Variants in ADGRV1 observed in about 807,000 individuals in gnomAD.
ADGRV1 encodes adhesion G protein-coupled receptor V1.
Under a neutral mutation model 596.2 loss-of-function variants are expected in ADGRV1, and 359 were observed. That is an observed-to-expected ratio of 0.60 (90% CI 0.55 to 0.66). The LOEUF (loss-of-function observed/expected upper bound fraction) is 0.66. Among genes scored for constraint, ADGRV1 ranks in the 30% least tolerant of loss-of-function variants. The probability of loss-of-function intolerance (pLI) is 0.00; values close to 1 mark genes in which losing one functional copy is unlikely to be tolerated. For synonymous variants in ADGRV1, 2,681 were observed against 2,679.2 expected (o/e 1.00, Z -0.02); for missense variants, 7,274 against 7,575.6 (o/e 0.96, Z 1.48).
chr5:91,080,588 CA>C (rs10696264), intron 86 of ADGRV1, among the ~76,000 whole-genome samples: 1,750 of 84,448 alleles, frequency 0.021, 19 homozygotes, highest in African/African-American at 0.073. Context: ...GCACACCCTG[CA>C]AAAAAAAAAA....
chr5:91,163,836 G>A lies in ADGRV1; in HGVS notation c.18857G>A (p.Gly6286Asp). ...TCTGGTCAAGGCAGCCAGGAGGGGG[G>A]CACCTTGACTGACTCCCAGATCGTG... ...NESGQGSQEG[G>D]TLTDSQIVEL... The change falls in exon 90 of 90, where the codon GGC becomes GAC. Residue 6286 changes from glycine to aspartate, a missense_variant. Gly to Asp is a moderately conservative substitution (Grantham distance 94). Around this residue, in one of 5 missense-constraint regions of ADGRV1, gnomAD observed 1,874 missense variants for 1,970.2 expected, o/e 0.95. Transcript: ENST00000405460. 6.2e-7 allele frequency: 1 copy of A among 1,606,680 alleles called. No individual in the cohort carries two copies. The highest frequency in any genetic ancestry group is 8.5e-7 in the Non-Finnish European group (1 of 1,174,994).
At chr5:90,564,738 T>G (rs1332984820) in intron 1 of ADGRV1, among the ~76,000 whole-genome samples, 3 of 80,412 alleles carry the variant, frequency 3.7e-5, no homozygotes, top group Non-Finnish European at 7.3e-5. Context: ...GCCATTCTCC[T>G]GCCTCAGCCT....
intron 76 of ADGRV1, among the ~76,000 whole-genome samples, chr5:90,825,003 C>T (rs974342194): frequency 3.9e-5 from 6 of 151,964 alleles, no homozygotes; most frequent in African/African-American, 9.7e-5. Flanking sequence ...GTGCTGTGAT[C>T]TCGGCTCACT....
chr5:90,815,598 G>T, intron 74 of ADGRV1, 21 bp from the exon 75 acceptor site: 1 of 1,264,450 alleles, frequency 7.9e-7, no homozygotes, highest in Non-Finnish European at 1.1e-6. Flanking sequence ...ATATATTATA[G>T]CCCTCCATTC....
At position 90,840,959 on chromosome 5, in the gene ADGRV1, A is replaced by G. The variant is rs1357695635; in HGVS notation, c.16993A>G (p.Ser5665Gly). The G allele has an allele frequency of 1.4e-6, 2 of 1,436,828 alleles. No individual in the cohort carries two copies. The highest frequency in any genetic ancestry group is 2.3e-5 in the East Asian group (1 of 42,566). The allele number at this position is 1,436,828 out of a possible 1,614,324, so 89.0% of individuals were successfully genotyped here. ...VATENTDEQL[S>G]AMMHLIEKIT... ...CACAGAAAACACAGATGAACAACTC[A>G]GTGCCATGATGCATTTAATAGAAAA... Residue 5665 changes from serine to glycine, a missense_variant, in exon 78 of 90, where the codon AGT becomes GGT. Physicochemically the swap from Ser to Gly is moderately conservative, Grantham distance 56. Transcript: ENST00000405460.
chr5:90,731,800 A>G (rs1057243016), intron 50 of ADGRV1, among the ~76,000 whole-genome samples: 4 of 152,194 alleles, frequency 2.6e-5, no homozygotes, highest in Admixed American at 6.5e-5. Flanking sequence ...ATTGTGTAAG[A>G]GATTAAAACT....
At position 90,605,152 on chromosome 5, in the gene ADGRV1, A is replaced by T. The variant is rs1162770140; in HGVS notation, c.23-9683A>T. On this transcript the variant is annotated intron_variant, in intron 1 of 89. Transcript: ENST00000405460. ...GAAGTTCAGTTACATGAGTTAAAAG[A>T]CTTTATGTAACCCCAACACTCTGGG... Among the ~76,000 whole-genome samples, 3 of 152,146 alleles carry T rather than the reference A, an allele frequency of 2.0e-5. No homozygotes were observed. The East Asian group carries it at 5.8e-4, about 29-fold the overall frequency.
At chr5:90,632,167 C>G (rs1474138592) in intron 9 of ADGRV1, among the ~76,000 whole-genome samples, 1 of 152,008 alleles carries the variant, frequency 6.6e-6, no homozygotes, top group Non-Finnish European at 1.5e-5. Flanking sequence ...TCTTACTGTT[C>G]TCCCTTCTGT....
rs189768165 is a variant in ADGRV1 at position 90,727,363 on chromosome 5, T to C, written c.10162-1306T>C. Among the ~76,000 whole-genome samples the C allele has an allele frequency of 3.4e-4, 52 of 152,284 alleles. No individual in the cohort carries two copies. The East Asian group carries it at 9.5e-3, about 28-fold the overall frequency. ...GTTTATCATTAAGTATTTTTGATTA[T>C]ATGTGTCAATAAGTGAAGACATTTT... On this transcript the variant is annotated intron_variant, in intron 48 of 89. Transcript: ENST00000405460.
chr5:90,696,066 C>CTG (rs1165417736), intron 33 of ADGRV1, among the ~76,000 whole-genome samples: 1 of 152,104 alleles, frequency 6.6e-6, no homozygotes, highest in Non-Finnish European at 1.5e-5. Flanking sequence ...CTTGACACTG[C>CTG]TGTATTGATG....
At chr5:90,708,546 T>G (rs955923499) in intron 38 of ADGRV1, among the ~76,000 whole-genome samples, 2 of 151,802 alleles carry the variant, frequency 1.3e-5, no homozygotes, top group African/African-American at 4.8e-5. Flanking sequence ...TATATATTTA[T>G]ATAATTGGTT....
intron 77 of ADGRV1, among the ~76,000 whole-genome samples, chr5:90,831,012 A>G (rs983035902): frequency 1.3e-5 from 2 of 152,044 alleles, no homozygotes; most frequent in Non-Finnish European, 2.9e-5. Context: ...TCAAAATGGA[A>G]CATTGGCTAT....
At chr5:90,668,147 G>A (rs1163487453) in intron 21 of ADGRV1, among the ~76,000 whole-genome samples, 1 of 151,860 alleles carries the variant, frequency 6.6e-6, no homozygotes, top group Non-Finnish European at 1.5e-5. Flanking sequence ...CCCAGTCTGA[G>A]CTTCCAGGCT....
intron 85 of ADGRV1, among the ~76,000 whole-genome samples, chr5:91,015,749 C>G (rs1451323426): frequency 6.6e-6 from 1 of 152,022 alleles, no homozygotes; most frequent in Admixed American, 6.6e-5. Context: ...TTTCTTCCAT[C>G]TCTCTATTTT....
chr5:90,970,046 G>A (rs1778816708), intron 84 of ADGRV1, among the ~76,000 whole-genome samples: 1 of 152,200 alleles, frequency 6.6e-6, no homozygotes, highest in Non-Finnish European at 1.5e-5. Context: ...CTTTTCCAAT[G>A]GTCTTAGCAA....
chr5:90,849,339 T>C (rs933350423), intron 79 of ADGRV1, among the ~76,000 whole-genome samples: 7 of 152,210 alleles, frequency 4.6e-5, no homozygotes, highest in East Asian at 1.9e-4. Context: ...TATAACTATA[T>C]GTTAACATAC....
At chr5:90,638,676 A>G (rs989367600) in intron 11 of ADGRV1, among the ~76,000 whole-genome samples, 1 of 152,142 alleles carries the variant, frequency 6.6e-6, no homozygotes. Context: ...TTCATATTAG[A>G]GAAGGTTACT....
intron 86 of ADGRV1, among the ~76,000 whole-genome samples, chr5:91,089,124 A>G (rs948955595): frequency 7.2e-5 from 11 of 152,190 alleles, no homozygotes; most frequent in African/African-American, 1.2e-4. Context: ...AAGGGTAATA[A>G]TAATAAGCCT....
Position 90,577,358 on chromosome 5 carries a change from A to G in ADGRV1, c.22+18441A>G, listed in dbSNP as rs566903912. Reference sequence around the variant, plus strand: ...ATGGCTAGCCAGTTTTCCCAGCCCCATTTATTAGATAAAGAATCCTTTCCC... The same window carrying G: ...ATGGCTAGCCAGTTTTCCCAGCCCCGTTTATTAGATAAAGAATCCTTTCCC... On this transcript the variant is annotated intron_variant, in intron 1 of 89. Coordinates refer to ENST00000405460, the MANE Select transcript of ADGRV1 (RefSeq NM_032119.4). Among the ~76,000 whole-genome samples the G allele has an allele frequency of 8.5e-4, 129 of 152,266 alleles. 1 individual carries two copies. In the South Asian group the frequency reaches 0.025, roughly 30 times the overall value.
Sources: gnomAD v4.1 joint callset for allele counts (sites outside exome capture counted in the v4.1 genomes callset) on GRCh38, gnomAD v4.1.1 for gene constraint, gnomAD v4.1.1 regional missense constraint, MANE v1.5 for transcripts, NCBI Gene and HGNC (gene_info 2026-07-23, HGNC 2026-07-21) for gene names.